The following NTN4 variants were observed in gnomAD, a reference collection of about 807,000 sequenced individuals.
The protein encoded by NTN4 is netrin-4.
In NTN4, 32 loss-of-function variants were observed where a neutral mutation model predicts 73.6. The observed-to-expected ratio is 0.44, with a 90% CI of 0.33 to 0.58. The LOEUF is 0.58. Among genes scored for constraint, NTN4 ranks in the 20% least tolerant of loss-of-function variants. NTN4 has a pLI of 0.04. For missense variants in NTN4, 654 were observed against 798.3 expected, an observed-to-expected ratio of 0.82 and a Z score of 2.18; for synonymous variants, 258 against 287.5, an observed-to-expected ratio of 0.90 and a Z score of 1.04.
intron 3 of NTN4, among the ~76,000 whole-genome samples, chr12:95,722,302 C>T (rs1004829860): frequency 6.6e-6 from 1 of 152,124 alleles, no homozygotes; most frequent in African/African-American, 2.4e-5. Flanking sequence ...TCACAAAACA[C>T]GTTTGAGTTT....
chr12:95,752,998 G>T (rs1456625799), intron 2 of NTN4, among the ~76,000 whole-genome samples: 1 of 151,984 alleles, frequency 6.6e-6, no homozygotes, highest in African/African-American at 2.4e-5. Context: ...ATTGTTCCTG[G>T]TCCGGACTTC....
At chr12:95,723,346 T>C (rs2078664471) in intron 3 of NTN4, among the ~76,000 whole-genome samples, 1 of 152,042 alleles carries the variant, frequency 6.6e-6, no homozygotes, top group Non-Finnish European at 1.5e-5. Context: ...CTAGGTTTTC[T>C]TGGCCTTTTA....
At chr12:95,763,662 C>T (rs2079002961) in intron 2 of NTN4, among the ~76,000 whole-genome samples, 1 of 152,254 alleles carries the variant, frequency 6.6e-6, no homozygotes, top group Middle Eastern at 3.2e-3. Flanking sequence ...ATTTTCTAGA[C>T]ATTTTCCTCT....
At chr12:95,672,247 G>A in intron 7 of NTN4, 1 of 647,024 alleles carries the variant, frequency 1.5e-6, no homozygotes, top group Non-Finnish European at 2.9e-6. Flanking sequence ...GGGGCAGGGG[G>A]CGGGCTGTGA....
chr12:95,732,059 A>G (rs2078741036), intron 3 of NTN4, among the ~76,000 whole-genome samples: 1 of 152,222 alleles, frequency 6.6e-6, no homozygotes. Context: ...ACCGAAAACT[A>G]ATTTACAGAT....
intron 2 of NTN4, among the ~76,000 whole-genome samples, chr12:95,754,757 T>A (rs983729869): frequency 9.9e-5 from 15 of 151,884 alleles, no homozygotes; most frequent in African/African-American, 2.4e-5. Flanking sequence ...CCAAATCCTA[T>A]AAAACGGCCC....
Position 95,677,601 on chromosome 12 carries a change from G to A in NTN4, c.1510+5106C>T, listed in dbSNP as rs148423791. 6.2e-4 allele frequency among the ~76,000 whole-genome samples: 95 copies of A among 152,244 alleles called. No homozygotes were observed. In the East Asian group the frequency reaches 9.1e-3, roughly 15 times the overall value. ...ACCCTAGCAGATCAAATTCAGCAAC[G>A]TATGAATAAAAATACATCACAGCAA... On this transcript the variant is annotated intron_variant, in intron 7 of 9. Coordinates refer to ENST00000343702, the MANE Select transcript of NTN4 (RefSeq NM_021229.4).
intron 2 of NTN4, among the ~76,000 whole-genome samples, chr12:95,772,324 G>A (rs1565915715): frequency 2.0e-5 from 3 of 152,338 alleles, no homozygotes; most frequent in South Asian, 4.1e-4. Context: ...ACAGGCATGA[G>A]CCACCACGTC....
intron 3 of NTN4, among the ~76,000 whole-genome samples, chr12:95,735,949 A>ATTTATTTATTTT (rs1385272513): frequency 1.5e-5 from 2 of 137,010 alleles, no homozygotes; most frequent in African/African-American, 5.5e-5. Context: ...TTATTTATTT[A>ATTTATTTATTTT]TTTTTTTGAG....
At chr12:95,712,498 G>A (rs2078571533) in intron 4 of NTN4, among the ~76,000 whole-genome samples, 1 of 152,126 alleles carries the variant, frequency 6.6e-6, no homozygotes, top group Admixed American at 6.5e-5. Flanking sequence ...TGCTTTATTG[G>A]GTAGTTTTGA....
At chr12:95,777,580 G>C (rs1488241108) in intron 2 of NTN4, among the ~76,000 whole-genome samples, 1 of 152,136 alleles carries the variant, frequency 6.6e-6, no homozygotes, top group African/African-American at 2.4e-5. Flanking sequence ...TTACATAATG[G>C]TAAAGGGATC....
chr12:95,746,876 C>T (rs1592700593), intron 2 of NTN4, among the ~76,000 whole-genome samples: 1 of 152,272 alleles, frequency 6.6e-6, no homozygotes, highest in Admixed American at 6.5e-5. Context: ...TCCTCTTCTG[C>T]TGGAAGTTCA....
chr12:95,702,051 A>G (rs987961448), intron 5 of NTN4, among the ~76,000 whole-genome samples: 22 of 152,016 alleles, frequency 1.4e-4, no homozygotes. Context: ...AGGCCGAGGA[A>G]GGTGAATCAC....
At chr12:95,680,602 A>T (rs2078307654) in intron 7 of NTN4, among the ~76,000 whole-genome samples, 1 of 152,234 alleles carries the variant, frequency 6.6e-6, no homozygotes. Flanking sequence ...CCTAAATGGC[A>T]AACAAACGAG....
At chr12:95,727,999 A>G (rs1051065088) in intron 3 of NTN4, among the ~76,000 whole-genome samples, 1 of 152,010 alleles carries the variant, frequency 6.6e-6, no homozygotes, top group Non-Finnish European at 1.5e-5. Context: ...CAGGGTTTTC[A>G]GTGTATATGC....
At chr12:95,684,934 A>G (rs2078349913) in intron 5 of NTN4, among the ~76,000 whole-genome samples, 3 of 151,996 alleles carry the variant, frequency 2.0e-5, no homozygotes, top group African/African-American at 7.2e-5. Flanking sequence ...CAGTGGTGCT[A>G]TCTCCACTCA....
At chr12:95,763,301 G>C (rs1415050671) in intron 2 of NTN4, among the ~76,000 whole-genome samples, 2 of 145,862 alleles carry the variant, frequency 1.4e-5, no homozygotes. Flanking sequence ...AATGCAAGAA[G>C]TTCCTCTATA....
At chr12:95,668,009 G>A (rs528953654) in intron 8 of NTN4, among the ~76,000 whole-genome samples, 4 of 152,282 alleles carry the variant, frequency 2.6e-5, no homozygotes, top group African/African-American at 9.6e-5. Context: ...AGTGCCCGGC[G>A]TGTGGCTAAC....
intron 3 of NTN4, among the ~76,000 whole-genome samples, chr12:95,734,406 T>C (rs1388253981): frequency 6.6e-6 from 1 of 152,196 alleles, no homozygotes; most frequent in African/African-American, 2.4e-5. Flanking sequence ...GGGGTAAGGT[T>C]TGAGAATGTG....
Sources: allele counts gnomAD v4.1 joint callset (sites outside exome capture counted in the v4.1 genomes callset), GRCh38; gene constraint gnomAD v4.1.1; transcripts MANE v1.5; gene names NCBI Gene and HGNC (gene_info 2026-07-23, HGNC 2026-07-21).